REPS2: variants seen among roughly 807,000 people sequenced by gnomAD.
REPS2 encodes the protein RALBP1 associated Eps domain containing 2.
Under a neutral mutation model 53.6 loss-of-function variants are expected in REPS2, and 23 were observed. The observed-to-expected ratio is 0.43, with a 90% CI of 0.31 to 0.61. REPS2 has a LOEUF of 0.61. REPS2 is among the 20% of genes least tolerant of loss of function. The pLI is 0.11. For synonymous variants in REPS2, 238 were observed against 218.6 expected (o/e 1.09, Z -0.78); for missense variants, 446 against 534.9 (o/e 0.83, Z 1.64).
chrX:16,971,124 T>A, intron 1 of REPS2, among the ~76,000 whole-genome samples: 2 of 112,405 alleles, frequency 1.8e-5, no homozygotes, highest in East Asian at 5.5e-4. Flanking sequence ...ATATGAGGGT[T>A]CCAGTTTCCC....
chrX:17,052,284 G>C, intron 6 of REPS2, 98 bp from the exon 7 acceptor site: 1 of 661,403 alleles, frequency 1.5e-6, no homozygotes, highest in South Asian at 3.2e-5. Flanking sequence ...ATACAGAAGA[G>C]ATTGCTGAAT....
intron 1 of REPS2, among the ~76,000 whole-genome samples, chrX:16,968,600 A>G (rs2060817615): frequency 1.0e-5 from 1 of 97,503 alleles, no homozygotes; most frequent in African/African-American, 3.9e-5. Flanking sequence ...GCGGCCAGGC[A>G]GAGGCGCCCC....
intron 2 of REPS2, among the ~76,000 whole-genome samples, chrX:17,013,854 A>T (rs778391429): frequency 9.1e-6 from 1 of 110,266 alleles, no homozygotes; most frequent in South Asian, 3.9e-4. Flanking sequence ...GCTGCTTTGG[A>T]CAAAGTTCGC....
intron 15 of REPS2, among the ~76,000 whole-genome samples, chrX:17,134,824 G>A (rs767635113): frequency 5.4e-5 from 6 of 110,128 alleles, no homozygotes; most frequent in African/African-American, 1.7e-4. Flanking sequence ...GGGTTTCACC[G>A]TGTTAGCCAG....
At chrX:16,987,490 TTTAAC>T (rs2147747343) in intron 1 of REPS2, among the ~76,000 whole-genome samples, 1 of 112,671 alleles carries the variant, frequency 8.9e-6, no homozygotes, top group South Asian at 3.6e-4. Context: ...TATCCCTCCT[TTTAAC>T]TTATGTTGTT....
At chrX:17,094,184 A>G (rs1191638691) in intron 13 of REPS2, among the ~76,000 whole-genome samples, 2 of 112,297 alleles carry the variant, frequency 1.8e-5, no homozygotes, top group African/African-American at 6.5e-5. Context: ...CTAAAAATGT[A>G]TTTAATTATA....
chrX:17,062,326 A>G, intron 8 of REPS2, 112 bp from the exon 9 acceptor site: 1 of 530,786 alleles, frequency 1.9e-6, no homozygotes, highest in Non-Finnish European at 3.2e-6. Context: ...GTGGTCTATC[A>G]GAGCTAGCTG....
At chrX:17,007,456 G>A (rs1194327203) in intron 2 of REPS2, among the ~76,000 whole-genome samples, 1 of 112,154 alleles carries the variant, frequency 8.9e-6, no homozygotes, top group Non-Finnish European at 1.9e-5. Flanking sequence ...ACCAGACAGA[G>A]GTTCGTTTTC....
intron 2 of REPS2, among the ~76,000 whole-genome samples, chrX:17,018,960 C>T (rs1426718946): frequency 1.8e-5 from 2 of 110,386 alleles, no homozygotes; most frequent in Non-Finnish European, 3.8e-5. Flanking sequence ...TGCCACCATG[C>T]CCAGCTGATT....
At chrX:17,042,936 C>G (rs1351480890) in intron 5 of REPS2, among the ~76,000 whole-genome samples, 1 of 110,838 alleles carries the variant, frequency 9.0e-6, no homozygotes, top group Non-Finnish European at 1.9e-5. Context: ...GCTGGAACTA[C>G]AAGTGCATGC....
At chrX:17,123,496 T>G (rs1287064911) in intron 14 of REPS2, among the ~76,000 whole-genome samples, 1 of 112,599 alleles carries the variant, frequency 8.9e-6, no homozygotes, top group Non-Finnish European at 1.9e-5. Flanking sequence ...CCCAAGGCAT[T>G]CTGCCATGTG....
chrX:17,081,372 A>C (rs1376580493), intron 13 of REPS2, among the ~76,000 whole-genome samples: 1 of 112,416 alleles, frequency 8.9e-6, no homozygotes, highest in East Asian at 2.8e-4. Flanking sequence ...AATAGAATAA[A>C]AAATTGTAGA....
At chrX:17,183,956 G>A in the REPS2 span, among the ~76,000 whole-genome samples, 1 of 111,118 alleles carries the variant, frequency 9.0e-6, no homozygotes, top group African/African-American at 3.3e-5. Flanking sequence ...TCTGCAAACA[G>A]GTCACCTCTT....
At chrX:16,983,194 G>GA (rs201617112) in intron 1 of REPS2, among the ~76,000 whole-genome samples, 22,757 of 110,556 alleles carry the variant, frequency 0.21, 2,271 homozygotes, top group East Asian at 0.43. Flanking sequence ...AGATTAAATG[G>GA]AAAAAAAATA....
chrX:17,050,119 C>CTTCTTTCT (rs34581298), intron 6 of REPS2, among the ~76,000 whole-genome samples: 1 of 72,435 alleles, frequency 1.4e-5, no homozygotes, highest in Non-Finnish European at 2.7e-5. Context: ...TTCTATGTTT[C>CTTCTTTCT]TTCTTTCTTT....
intron 14 of REPS2, among the ~76,000 whole-genome samples, chrX:17,124,116 A>G (rs758959999): frequency 2.7e-5 from 3 of 112,634 alleles, no homozygotes; most frequent in South Asian, 3.7e-4. Flanking sequence ...ACCAGCTCAC[A>G]CAATGAGCAA....
At chrX:17,015,810 A>G (rs1245865438) in intron 2 of REPS2, among the ~76,000 whole-genome samples, 1 of 111,929 alleles carries the variant, frequency 8.9e-6, no homozygotes, top group East Asian at 2.8e-4. Context: ...CCAGTCTATC[A>G]TTGTGGGACA....
intron 8 of REPS2, among the ~76,000 whole-genome samples, chrX:17,056,336 G>A (rs2062069764): frequency 8.9e-6 from 1 of 112,305 alleles, no homozygotes; most frequent in African/African-American, 3.2e-5. Flanking sequence ...AGGCACACCC[G>A]AGTGTCTCCG....
chrX:17,030,096 T>A (rs1316294714), intron 5 of REPS2, among the ~76,000 whole-genome samples: 1 of 112,623 alleles, frequency 8.9e-6, no homozygotes, highest in Non-Finnish European at 1.9e-5. Context: ...AGAACAGTTA[T>A]TGTACAATGG....
Sources: gnomAD v4.1 joint callset for allele counts (sites outside exome capture counted in the v4.1 genomes callset) on GRCh38, gnomAD v4.1.1 for gene constraint, MANE v1.5 for transcripts, NCBI Gene and HGNC (gene_info 2026-07-23, HGNC 2026-07-21) for gene names.